STRADA: variants seen among roughly 807,000 people sequenced by gnomAD.
STRADA encodes STE20-related kinase adapter protein alpha.
STRADA carries 26 observed loss-of-function variants against 55.0 expected under a neutral mutation model. The ratio of observed to expected loss-of-function variants is 0.47; its 90% CI spans 0.35 to 0.66. STRADA has a LOEUF of 0.66. STRADA is among the 30% of genes least tolerant of loss of function. The pLI is 0.01. For missense variants in STRADA, 443 were observed against 549.7 expected (o/e 0.81, Z 1.94); for synonymous variants, 197 against 210.9 (o/e 0.93, Z 0.57).
intron 8 of STRADA, among the ~76,000 whole-genome samples, chr17:63,708,363 C>T (rs1034067941): frequency 1.3e-5 from 2 of 151,276 alleles, no homozygotes; most frequent in Non-Finnish European, 2.9e-5. Flanking sequence ...CCACATCCAG[C>T]CAGTTTTTGT....
chr17:63,734,752 CA>C (rs1210286607), intron 1 of STRADA, among the ~76,000 whole-genome samples: 3 of 152,206 alleles, frequency 2.0e-5, no homozygotes, highest in African/African-American at 7.2e-5. Context: ...ATGTGTATTT[CA>C]GTCCTATGTA....
chr17:63,712,728 C>T (rs1306040591), intron 6 of STRADA, among the ~76,000 whole-genome samples: 1 of 151,144 alleles, frequency 6.6e-6, no homozygotes, highest in African/African-American at 2.4e-5. Context: ...AGGCCAGATG[C>T]GGTGGCTCAC....
intron 1 of STRADA, among the ~76,000 whole-genome samples, chr17:63,739,765 T>C (rs2038732282): frequency 1.7e-5 from 1 of 57,258 alleles, no homozygotes; most frequent in Non-Finnish European, 3.0e-5. Context: ...TATATTTATG[T>C]ATATATGTAC....
rs75381095 is a variant in STRADA at position 63,710,034 on chromosome 17, T to C, written c.581+457A>G. On this transcript the variant is annotated intron_variant, in intron 8 of 12. Coordinates refer to ENST00000336174, the MANE Select transcript of STRADA (RefSeq NM_001003787.4). ...GGTCAGAATCCAGATCCTTCTCTCT[T>C]TTTTTTTTTTTTTTTTTCAGACAAG... 3.5e-4 allele frequency among the ~76,000 whole-genome samples: 48 copies of C among 138,484 alleles called. No individual in the cohort carries two copies. The East Asian group carries it at 5.2e-3, about 15-fold the overall frequency. 90.9% of individuals were successfully genotyped at this position (138,484 alleles called of 152,430 possible).
Position 63,740,141 on chromosome 17 carries a change from T to TAC in STRADA, c.-45+1599_-45+1600insGT, listed in dbSNP as rs1390181125. ...ACATATATATATACACATACATATA[T>TAC]ATATATACACACACACACACACACA... On this transcript the variant is annotated intron_variant, in intron 1 of 12. Coordinates refer to ENST00000336174, the MANE Select transcript of STRADA (RefSeq NM_001003787.4). Among the ~76,000 whole-genome samples, 135 of 41,562 alleles carry TAC rather than the reference T, an allele frequency of 3.2e-3. 11 individuals carry two copies. Among genetic ancestry groups the TAC allele is most frequent in the South Asian group, 0.015 (9 of 610 alleles). The allele number at this position is 41,562 out of a possible 152,430, so 27.3% of individuals were successfully genotyped here. A position where few individuals can be genotyped will look rare whatever the true frequency, so the allele number is the denominator to read the frequency against.
intron 8 of STRADA, among the ~76,000 whole-genome samples, chr17:63,709,762 A>G (rs766510594): frequency 2.0e-5 from 3 of 152,192 alleles, no homozygotes; most frequent in Non-Finnish European, 4.4e-5. Flanking sequence ...GTAGGGGTCC[A>G]GTTTTACCAT....
At chr17:63,707,113 C>T (rs1167775411) in intron 9 of STRADA, 134 bp downstream of exon 9, 1 of 1,150,182 alleles carries the variant, frequency 8.7e-7, no homozygotes, top group Non-Finnish European at 1.2e-6. Flanking sequence ...GCTGCCCACG[C>T]TGAGGGCTCC....
intron 3 of STRADA, among the ~76,000 whole-genome samples, chr17:63,725,302 A>G (rs2037570544): frequency 6.6e-6 from 1 of 152,106 alleles, no homozygotes; most frequent in African/African-American, 2.4e-5. Context: ...TCAGCTAACC[A>G]ATGTACTCAA....
At chr17:63,720,207 C>T (rs1232566470) in intron 4 of STRADA, among the ~76,000 whole-genome samples, 2 of 150,962 alleles carry the variant, frequency 1.3e-5, no homozygotes, top group Non-Finnish European at 1.5e-5. Context: ...CAGAGTCTCA[C>T]TCTGTCTCCC....
At position 63,713,424 on chromosome 17, in the gene STRADA, C is replaced by T. The variant is rs377373337; in HGVS notation, c.330G>A (p.Glu110=). The part of the protein sequence containing the change: ...RRINLEACSN[E]MVTFLQGELH... The stretch of plus-strand genomic sequence containing the variant: ...TTATTACCTGCAAGAATGTTACCAT[C>T]TCATTGGAACAAGCTTCTAGGTTAA... Residue 110 remains glutamate, a synonymous_variant, in exon 6 of 13, where the codon GAG becomes GAA. Transcript: ENST00000336174. The T allele has an allele frequency of 2.0e-5, 32 of 1,613,914 alleles. No homozygotes were observed. In the African/African-American group the frequency reaches 3.9e-4, roughly 20 times the overall value.
At chr17:63,713,000 C>A (rs369519950) in intron 6 of STRADA, among the ~76,000 whole-genome samples, 282 of 125,326 alleles carry the variant, frequency 2.3e-3, no homozygotes, top group Middle Eastern at 3.9e-3. Flanking sequence ...GAATCCGTCT[C>A]AAAAAAAAAA....
At chr17:63,707,458 C>T (rs780038168) in intron 8 of STRADA, 40 bp from the exon 9 acceptor site, 10 of 1,601,150 alleles carry the variant, frequency 6.2e-6, no homozygotes, top group South Asian at 3.3e-5. Flanking sequence ...GAGCAGGAGC[C>T]CCTCCTGCTA....
intron 11 of STRADA, 84 bp downstream of exon 11, chr17:63,704,257 G>A (rs1160787354): frequency 1.9e-6 from 3 of 1,575,804 alleles, no homozygotes; most frequent in Non-Finnish European, 2.6e-6. Flanking sequence ...GAACCTTTGG[G>A]AGGTAAGTCC....
chr17:63,713,619 GA>G (rs1158366245), intron 5 of STRADA, 92 bp from the exon 6 acceptor site: 1 of 1,503,158 alleles, frequency 6.7e-7, no homozygotes, highest in Non-Finnish European at 9.0e-7. Context: ...GATTTCAAAA[GA>G]AACTTAATGT....
At chr17:63,740,179 C>T (rs960859180) in intron 1 of STRADA, among the ~76,000 whole-genome samples, 1 of 141,260 alleles carries the variant, frequency 7.1e-6, no homozygotes, top group Non-Finnish European at 1.5e-5. Flanking sequence ...CACACACACA[C>T]ACACAACAAA....
intron 4 of STRADA, among the ~76,000 whole-genome samples, chr17:63,721,414 C>CA (rs34413372): frequency 4.0e-4 from 53 of 133,610 alleles, no homozygotes; most frequent in East Asian, 1.3e-3. Flanking sequence ...AGCTCCATCT[C>CA]AAAAAAAAAA....
At chr17:63,714,471 G>A in intron 4 of STRADA, 2 of 315,600 alleles carry the variant, frequency 6.3e-6, no homozygotes, top group Non-Finnish European at 1.2e-5. Flanking sequence ...CAGGTGGAGA[G>A]GTAGGGGTTC....
intron 1 of STRADA, chr17:63,737,515 A>G (rs1239026288): frequency 6.6e-6 from 1 of 151,860 alleles, no homozygotes; most frequent in Non-Finnish European, 1.5e-5. Context: ...ATATGAAAGT[A>G]AAGTTTCACC....
chr17:63,703,912 T>A, intron 12 of STRADA, 93 bp downstream of exon 12: 1 of 1,607,110 alleles, frequency 6.2e-7, no homozygotes, highest in Non-Finnish European at 8.5e-7. Context: ...GGGTAGTTTC[T>A]CTCATTCAAA....
Sources: gnomAD v4.1 joint callset for allele counts (sites outside exome capture counted in the v4.1 genomes callset) on GRCh38, gnomAD v4.1.1 for gene constraint, MANE v1.5 for transcripts, NCBI Gene and HGNC (gene_info 2026-07-23, HGNC 2026-07-21) for gene names.